Variants in TMEM181 observed in about 807,000 individuals in gnomAD.
TMEM181 encodes transmembrane protein 181, also known as G protein-coupled receptor 178.
In TMEM181, 39 loss-of-function variants were observed where a neutral mutation model predicts 71.9. That is an observed-to-expected ratio of 0.54 (90% CI 0.42 to 0.71). The LOEUF (loss-of-function observed/expected upper bound fraction) is 0.71, where lower values mean the gene tolerates loss of function less well. Among genes scored for constraint, TMEM181 ranks in the 30% least tolerant of loss-of-function variants. The pLI, the probability that TMEM181 is intolerant of heterozygous loss-of-function variation, is 0.00. For synonymous variants in TMEM181, 245 were observed against 228.8 expected (o/e 1.07, Z -0.64); for missense variants, 595 against 583.0 (o/e 1.02, Z -0.21).
chr6:158,541,067 A>G (rs939973030), intron 1 of TMEM181, among the ~76,000 whole-genome samples: 2 of 152,180 alleles, frequency 1.3e-5, no homozygotes, highest in African/African-American at 2.4e-5. Flanking sequence ...ATTCTAATGT[A>G]ATTGACCTGG....
chr6:158,601,758 GAAA>G (rs796451394), intron 6 of TMEM181, among the ~76,000 whole-genome samples: 1 of 96,050 alleles, frequency 1.0e-5, no homozygotes, highest in Non-Finnish European at 2.3e-5. Context: ...GACTGTCTCA[GAAA>G]AAAAAAAAAA....
At chr6:158,610,365 G>A (rs1050306770) in intron 10 of TMEM181, 2 of 287,234 alleles carry the variant, frequency 7.0e-6, no homozygotes, top group Non-Finnish European at 7.2e-6. Context: ...TCAGGGTGAG[G>A]GTGGCAGAGG....
At chr6:158,553,370 C>G (rs560412462) in intron 1 of TMEM181, among the ~76,000 whole-genome samples, 1 of 152,292 alleles carries the variant, frequency 6.6e-6, no homozygotes, top group South Asian at 2.1e-4. Flanking sequence ...CTTATTAAAA[C>G]TGAGATATTA....
chr6:158,601,531 C>T (rs1784669439), intron 6 of TMEM181, among the ~76,000 whole-genome samples: 1 of 152,056 alleles, frequency 6.6e-6, no homozygotes, highest in African/African-American at 2.4e-5. Context: ...GAGGCTGAGG[C>T]AGGTGGATCA....
At chr6:158,546,165 C>A (rs945016664) in intron 1 of TMEM181, among the ~76,000 whole-genome samples, 11 of 152,168 alleles carry the variant, frequency 7.2e-5, no homozygotes, top group African/African-American at 2.7e-4. Flanking sequence ...GCTCCTGCCT[C>A]GTGGTGACAA....
intron 1 of TMEM181, among the ~76,000 whole-genome samples, chr6:158,549,494 G>A (rs1781650767): frequency 6.6e-6 from 1 of 152,174 alleles, no homozygotes. Flanking sequence ...TGGAAATGAA[G>A]AAAGGAGAGA....
upstream of TMEM181, among the ~76,000 whole-genome samples, chr6:158,557,055 T>C (rs1378457167): frequency 1.3e-5 from 2 of 152,122 alleles, no homozygotes; most frequent in Admixed American, 6.5e-5. Flanking sequence ...TTAATACAAG[T>C]GACTCCATTT....
chr6:158,606,208 G>A (rs915298559), intron 7 of TMEM181, among the ~76,000 whole-genome samples: 22 of 147,634 alleles, frequency 1.5e-4, no homozygotes, highest in South Asian at 4.3e-4. Context: ...GGGCGTGGGC[G>A]CTAGAGCCAC....
At chr6:158,627,253 G>C (rs914852474) in intron 13 of TMEM181, among the ~76,000 whole-genome samples, 19 of 152,238 alleles carry the variant, frequency 1.2e-4, no homozygotes, top group East Asian at 1.9e-4. Flanking sequence ...GGGAGCTACT[G>C]TCTACTTCTG....
intron 10 of TMEM181, chr6:158,611,218 A>G (rs762501752): frequency 8.5e-5 from 43 of 506,460 alleles, no homozygotes; most frequent in Non-Finnish European, 1.4e-4. Flanking sequence ...GGGATTGACT[A>G]TCCTTCTCAG....
chr6:158,584,178 T>C (rs1783632405), intron 4 of TMEM181, 134 bp downstream of exon 4: 6 of 728,570 alleles, frequency 8.2e-6, no homozygotes, highest in Admixed American at 6.7e-5. Flanking sequence ...TTATTTATCA[T>C]AGCAACAAAT....
chr6:158,569,342 G>A (rs964150612), intron 1 of TMEM181, among the ~76,000 whole-genome samples: 3 of 152,190 alleles, frequency 2.0e-5, no homozygotes, highest in Admixed American at 1.3e-4. Context: ...AGGGCCTGGC[G>A]CCCACCCTCT....
intron 10 of TMEM181, among the ~76,000 whole-genome samples, chr6:158,614,148 T>G (rs549502841): frequency 6.6e-6 from 1 of 152,326 alleles, no homozygotes; most frequent in African/African-American, 2.4e-5. Flanking sequence ...ATAATCCTGT[T>G]TACCTCTTTT....
chr6:158,628,286 T>C (rs1290374128), intron 13 of TMEM181, 122 bp from the exon 14 acceptor site: 2 of 848,966 alleles, frequency 2.4e-6, no homozygotes, highest in Non-Finnish European at 3.9e-6. Context: ...GTGTGGAAGT[T>C]CCCATGCAGA....
At chr6:158,578,108 AC>A (rs1408044360) in intron 2 of TMEM181, among the ~76,000 whole-genome samples, 4 of 152,198 alleles carry the variant, frequency 2.6e-5, no homozygotes, top group Non-Finnish European at 5.9e-5. Context: ...AGACAAAAAA[AC>A]AAAGAACAAA....
At chr6:158,588,279 T>G (rs143855215) in intron 5 of TMEM181, among the ~76,000 whole-genome samples, 2 of 152,358 alleles carry the variant, frequency 1.3e-5, no homozygotes, top group East Asian at 1.9e-4. Context: ...GGGCTGCTAG[T>G]GGGCTGAAGT....
chr6:158,582,892 A>G (rs1164402336), intron 3 of TMEM181, among the ~76,000 whole-genome samples: 2 of 152,178 alleles, frequency 1.3e-5, no homozygotes, highest in Non-Finnish European at 2.9e-5. Context: ...TCAGAAGGCT[A>G]AAAATAGCAG....
intron 6 of TMEM181, among the ~76,000 whole-genome samples, chr6:158,602,197 G>C (rs1353777975): frequency 6.6e-6 from 1 of 152,120 alleles, no homozygotes; most frequent in African/African-American, 2.4e-5. Flanking sequence ...ATTGTTTCAC[G>C]TAGCATAATT....
chr6:158,575,855 T>C (rs1783124934), intron 2 of TMEM181, among the ~76,000 whole-genome samples: 1 of 152,214 alleles, frequency 6.6e-6, no homozygotes, highest in South Asian at 2.1e-4. Context: ...AGACAATCCT[T>C]CTGGGCATGG....
Sources: allele counts gnomAD v4.1 joint callset (sites outside exome capture counted in the v4.1 genomes callset), GRCh38; gene constraint gnomAD v4.1.1; transcripts MANE v1.5; gene names NCBI Gene and HGNC (gene_info 2026-07-23, HGNC 2026-07-21).